MT1A: variants seen among roughly 807,000 people sequenced by gnomAD.
MT1A encodes metallothionein-1A.
MT1A carries 6 observed loss-of-function variants against 5.5 expected under a neutral mutation model. The observed-to-expected ratio is 1.09, with a 90% CI of 0.60 to 2.16. The LOEUF (loss-of-function observed/expected upper bound fraction) is 2.16. Among genes scored for constraint, MT1A ranks in the 30% most tolerant of loss-of-function variants. The pLI is 0.00. For synonymous variants in MT1A, 23 were observed against 24.8 expected, an observed-to-expected ratio of 0.93 and a Z score of 0.21; for missense variants, 69 against 73.4, an observed-to-expected ratio of 0.94 and a Z score of 0.22.
At chr16:56,639,009 G>A (rs1345323788) in intron 1 of MT1A, among the ~76,000 whole-genome samples, 3 of 152,112 alleles carry the variant, frequency 2.0e-5, no homozygotes, top group African/African-American at 4.8e-5. Flanking sequence ...AGGTAGTCGG[G>A]GACTGCTAGG....
chr16:56,640,017 T>C lies in MT1A; in HGVS notation c.*67T>C. On this transcript the variant is annotated 3_prime_UTR_variant, in exon 3 of 3. Coordinates refer to ENST00000290705, the MANE Select transcript of MT1A (RefSeq NM_005946.3). ...GCACAAACTTGGAATTTTTTTTCCA[T>C]ACAACCCTGACCCATTTACTGTATT... is the stretch of plus-strand genomic sequence containing the variant. The C allele has an allele frequency of 6.3e-7, 1 of 1,592,098 alleles. No individual in the cohort carries two copies. Among genetic ancestry groups the C allele is most frequent in the Non-Finnish European group, 8.6e-7 (1 of 1,164,882 alleles).
At chr16:56,639,739 A>G in intron 2 of MT1A, 120 bp from the exon 3 acceptor site, 2 of 1,326,682 alleles carry the variant, frequency 1.5e-6, no homozygotes, top group East Asian at 2.3e-5. Context: ...CCGACAGTGC[A>G]TGCCATCCTG....
Position 56,638,669 on chromosome 16 carries a change from A to C in MT1A, c.-70A>C. The C allele has an allele frequency of 6.4e-7, 1 of 1,570,402 alleles. No individual in the cohort carries two copies. The highest frequency in any genetic ancestry group is 2.2e-5 in the East Asian group (1 of 44,638). On this transcript the variant is annotated 5_prime_UTR_variant, in exon 1 of 3. Coordinates refer to ENST00000290705, the MANE Select transcript of MT1A (RefSeq NM_005946.3). ...CAGCCGCTGGCTGCTGGGCCCTACC[A>C]AGCCTTCCACGTGCGCCTTATAGCC... is the stretch of plus-strand genomic sequence containing the variant.
Position 56,640,024 on chromosome 16 carries a change from C to T in MT1A, c.*74C>T. ...CTTGGAATTTTTTTTCCATACAACC[C>T]TGACCCATTTACTGTATTTTTTTTA... is the stretch of plus-strand genomic sequence containing the variant. On this transcript the variant is annotated 3_prime_UTR_variant, in exon 3 of 3. Transcript: ENST00000290705. The T allele has an allele frequency of 5.1e-6, 8 of 1,558,428 alleles. No individual in the cohort carries two copies. The South Asian group carries it at 7.0e-5, about 14-fold the overall frequency.
In MT1A at chr16:56,638,709, T is replaced by C; in HGVS notation, c.-30T>C. On this transcript the variant is annotated 5_prime_UTR_variant, in exon 1 of 3. Coordinates refer to ENST00000290705, the MANE Select transcript of MT1A (RefSeq NM_005946.3). ...GCCTTATAGCCTCTCAACTTCTTGC[T>C]TGGGATCTCCAACCTCACCGCGGCT... The C allele has an allele frequency of 6.2e-7, 1 of 1,614,082 alleles. No individual in the cohort carries two copies. The highest frequency in any genetic ancestry group is 8.5e-7 in the Non-Finnish European group (1 of 1,179,976).
In MT1A at chr16:56,639,936, A is replaced by T; in HGVS notation, c.172A>T (p.Ser58Cys). The change falls in exon 3 of 3, where the codon AGC (serine) becomes TGC (cysteine). Residue 58 changes from serine (S) to cysteine (C), a missense_variant. By Grantham distance (112) the Ser-to-Cys change is moderately radical. Transcript: ENST00000290705. Reference sequence around the variant, plus strand: ...CTGCAAAGGGGCATCAGAGAAGTGCAGCTGCTGTGCCTGATGTCCGGACAG... The same window carrying T: ...CTGCAAAGGGGCATCAGAGAAGTGCTGCTGCTGTGCCTGATGTCCGGACAG... ...CICKGASEKCSCCA is the reference protein window; with the variant it reads ...CICKGASEKCCCCA 1 of 1,614,216 alleles carries T rather than the reference A, an allele frequency of 6.2e-7. No homozygotes were observed. Among genetic ancestry groups the T allele is most frequent in the Non-Finnish European group, 8.5e-7 (1 of 1,180,020 alleles).
At position 56,638,735 on chromosome 16, in the gene MT1A, C is replaced by G. The variant is rs760317009; in HGVS notation, c.-4C>G. ...TGGGATCTCCAACCTCACCGCGGCTCGAAATGGACCCCAACTGCTCCTGCG... is the reference window on the plus strand; with the variant it reads ...TGGGATCTCCAACCTCACCGCGGCTGGAAATGGACCCCAACTGCTCCTGCG... On this transcript the variant is annotated 5_prime_UTR_variant, in exon 1 of 3. Coordinates refer to ENST00000290705, the MANE Select transcript of MT1A (RefSeq NM_005946.3). 6.2e-7 allele frequency: 1 copy of G among 1,614,140 alleles called. No individual in the cohort carries two copies. The highest frequency in any genetic ancestry group is 1.3e-5 in the African/African-American group (1 of 75,034).
At position 56,639,871 on chromosome 16, in the gene MT1A, G is replaced by C; in HGVS notation, c.107G>C (p.Cys36Ser). 1.9e-6 allele frequency: 3 copies of C among 1,614,140 alleles called. No homozygotes were observed. Among genetic ancestry groups the C allele is most frequent in the Non-Finnish European group, 2.5e-6 (3 of 1,180,006 alleles). The change falls in exon 3 of 3, where the codon TGC becomes TCC. Residue 36 changes from cysteine to serine, a missense_variant. By Grantham distance (112) the Cys-to-Ser change is moderately radical. Coordinates refer to ENST00000290705, the MANE Select transcript of MT1A (RefSeq NM_005946.3). ...CCTTCTTCCCCAGGCTGCTGCTCCT[G>C]CTGCCCCATGAGCTGTGCCAAGTGT... ...CTSCKKSCCSCCPMSCAKCAQ... is the reference protein window; with the variant it reads ...CTSCKKSCCSSCPMSCAKCAQ...
Position 56,639,986 on chromosome 16 carries a change from T to C in MT1A, c.*36T>C. ...GCCCTGCTCGAAGATATAGAAAGAG[T>C]GACCTGCACAAACTTGGAATTTTTT... On this transcript the variant is annotated 3_prime_UTR_variant, in exon 3 of 3. Coordinates refer to ENST00000290705, the MANE Select transcript of MT1A (RefSeq NM_005946.3). 1 of 1,610,426 alleles carries C rather than the reference T, an allele frequency of 6.2e-7. No individual in the cohort carries two copies. The highest frequency in any genetic ancestry group is 1.7e-5 in the Admixed American group (1 of 59,246).
Position 56,639,337 on chromosome 16 carries a change from T to C in MT1A, c.94+8T>C, listed in dbSNP as rs11647171. ...GCACCTCCTGCAAGAAGAGTGAGTG[T>C]GGGGCCATCTCCAGGAATCTGGGGC... On this transcript the variant is annotated splice_region_variant and intron_variant, in intron 2 of 2. Coordinates refer to ENST00000290705, the MANE Select transcript of MT1A (RefSeq NM_005946.3). The C allele has an allele frequency of 0.63, 1,012,375 of 1,607,416 alleles. 322,787 individuals carry two copies. Among genetic ancestry groups the C allele is most frequent in the Middle Eastern group, 0.67 (4,050 of 6,020 alleles).
At chr16:56,638,914 C>A in intron 1 of MT1A, 148 bp downstream of exon 1, 1 of 997,618 alleles carries the variant, frequency 1.0e-6, no homozygotes, top group Non-Finnish European at 1.5e-6. Flanking sequence ...GCGCCTTCAT[C>A]ATCCCTAGAA....
At chr16:56,638,906 G>T in intron 1 of MT1A, 140 bp downstream of exon 1, 1 of 1,045,264 alleles carries the variant, frequency 9.6e-7, no homozygotes, top group South Asian at 1.4e-5. Flanking sequence ...TCCACTCAGC[G>T]CCTTCATCAT....
At position 56,638,782 on chromosome 16, in the gene MT1A, T is replaced by TTTC; in HGVS notation, c.28+18_28+20dup. 6.2e-7 allele frequency: 1 copy of TTTC among 1,613,162 alleles called. No individual in the cohort carries two copies. The highest frequency in any genetic ancestry group is 8.5e-7 in the Non-Finnish European group (1 of 1,179,630). On this transcript the variant is annotated intron_variant, in intron 1 of 2. Transcript: ENST00000290705. ...TGCGCCACTGGTAAGGGATGCTAGG[T>TTTC]TTCTGGTCCTTAGGATACCTATTTC...
chr16:56,640,001 T>C lies in MT1A; in HGVS notation c.*51T>C, dbSNP rs1205440364. On this transcript the variant is annotated 3_prime_UTR_variant, in exon 3 of 3. Transcript: ENST00000290705. Reference sequence around the variant, plus strand: ...ATAGAAAGAGTGACCTGCACAAACTTGGAATTTTTTTTCCATACAACCCTG... The same window carrying C: ...ATAGAAAGAGTGACCTGCACAAACTCGGAATTTTTTTTCCATACAACCCTG... The C allele has an allele frequency of 1.2e-6, 2 of 1,605,216 alleles. No homozygotes were observed. The highest frequency in any genetic ancestry group is 1.3e-5 in the African/African-American group (1 of 74,596).
rs1567346073 is a variant in MT1A at position 56,639,858 on chromosome 16, G to A, written c.95-1G>A. On this transcript the variant is annotated splice_acceptor_variant, in intron 2 of 2. Coordinates refer to ENST00000290705, the MANE Select transcript of MT1A (RefSeq NM_005946.3). LOFTEE classifies it high-confidence loss of function. Reference sequence around the variant, plus strand: ...ACCTCTCACTCTCCCTTCTTCCCCAGGCTGCTGCTCCTGCTGCCCCATGAG... The same window carrying A: ...ACCTCTCACTCTCCCTTCTTCCCCAAGCTGCTGCTCCTGCTGCCCCATGAG... 6 of 1,614,124 alleles carry A rather than the reference G, an allele frequency of 3.7e-6. No homozygotes were observed. Among genetic ancestry groups the A allele is most frequent in the East Asian group, 2.2e-5 (1 of 44,886 alleles).
In MT1A at chr16:56,639,342, C is replaced by T. The variant is rs767233017; in HGVS notation, c.94+13C>T. ...TCCTGCAAGAAGAGTGAGTGTGGGG[C>T]CATCTCCAGGAATCTGGGGCTGAGC... is the stretch of plus-strand genomic sequence containing the variant. On this transcript the variant is annotated intron_variant, in intron 2 of 2. Coordinates refer to ENST00000290705, the MANE Select transcript of MT1A (RefSeq NM_005946.3). 36 of 1,610,310 alleles carry T rather than the reference C, an allele frequency of 2.2e-5. No homozygotes were observed. Among genetic ancestry groups the T allele is most frequent in the Middle Eastern group, 3.3e-4 (2 of 6,024 alleles).
In MT1A at chr16:56,640,030, C is replaced by A; in HGVS notation, c.*80C>A. 3 of 1,517,052 alleles carry A rather than the reference C, an allele frequency of 2.0e-6. No individual in the cohort carries two copies. The highest frequency in any genetic ancestry group is 2.1e-5 in the Admixed American group (1 of 48,164). 94.0% of individuals were successfully genotyped at this position (1,517,052 alleles called of 1,614,324 possible). On this transcript the variant is annotated 3_prime_UTR_variant, in exon 3 of 3. Transcript: ENST00000290705. The stretch of plus-strand genomic sequence containing the variant: ...ATTTTTTTTCCATACAACCCTGACC[C>A]ATTTACTGTATTTTTTTTAATGAAA...
chr16:56,639,516 C>T (rs577762675), intron 2 of MT1A, among the ~76,000 whole-genome samples, 187 bp downstream of exon 2: 2 of 5,058 alleles, frequency 4.0e-4, no homozygotes, highest in South Asian at 0.12. Context: ...AATAGACAAA[C>T]TGAGGCCAAG....
rs1375386922 is a variant in MT1A, at chr16:56,638,710, T to C, written c.-29T>C. 1.2e-6 allele frequency: 2 copies of C among 1,613,932 alleles called. No individual in the cohort carries two copies. Among genetic ancestry groups the C allele is most frequent in the Admixed American group, 3.3e-5 (2 of 60,008 alleles). On this transcript the variant is annotated 5_prime_UTR_variant, in exon 1 of 3. Transcript: ENST00000290705. ...CCTTATAGCCTCTCAACTTCTTGCT[T>C]GGGATCTCCAACCTCACCGCGGCTC...
Sources: gnomAD v4.1 joint callset for allele counts (sites outside exome capture counted in the v4.1 genomes callset) on GRCh38, gnomAD v4.1.1 for gene constraint, MANE v1.5 for transcripts, NCBI Gene and HGNC (gene_info 2026-07-23, HGNC 2026-07-21) for gene names.